The following ZNF184 variants were observed in gnomAD, a reference collection of about 807,000 sequenced individuals.
ZNF184 encodes the protein zinc finger protein 184, also known as zinc finger protein 184 (Kruppel-like).
In ZNF184, 16 loss-of-function variants were observed where a neutral mutation model predicts 54.4. That is an observed-to-expected ratio of 0.29 (90% confidence interval 0.20 to 0.45). The LOEUF (loss-of-function observed/expected upper bound fraction) is 0.45, where lower values mean the gene tolerates loss of function less well. Ranked by LOEUF, ZNF184 falls within the 20% of genes least tolerant of loss-of-function variation. The pLI is 1.00. For missense variants in ZNF184, 681 were observed against 888.2 expected, an observed-to-expected ratio of 0.77 and a Z score of 2.97; for synonymous variants, 254 against 295.3, an observed-to-expected ratio of 0.86 and a Z score of 1.43.
At chr6:27,436,099 T>A in the ZNF184 span, among the ~76,000 whole-genome samples, 5 of 152,136 alleles carry the variant, frequency 3.3e-5, no homozygotes, top group African/African-American at 1.2e-4. Flanking sequence ...TAGCTGTGTG[T>A]TTTTTATGTA....
the ZNF184 span, among the ~76,000 whole-genome samples, chr6:27,430,597 C>A: frequency 1.0e-3 from 158 of 152,274 alleles, no homozygotes; most frequent in African/African-American, 3.6e-3. Context: ...CCAAGGAATC[C>A]TGGCAACTAC....
At chr6:27,416,889 G>A in the ZNF184 span, among the ~76,000 whole-genome samples, 1 of 152,116 alleles carries the variant, frequency 6.6e-6, no homozygotes, top group Non-Finnish European at 1.5e-5. Context: ...TAATATTGAG[G>A]TTTAGAGAGA....
the ZNF184 span, among the ~76,000 whole-genome samples, chr6:27,435,432 C>T: frequency 6.6e-6 from 1 of 151,958 alleles, no homozygotes; most frequent in African/African-American, 2.4e-5. Context: ...CTTAATTTCC[C>T]TTCTGGATTG....
the ZNF184 span, among the ~76,000 whole-genome samples, chr6:27,414,387 T>C: frequency 6.6e-6 from 1 of 152,222 alleles, no homozygotes; most frequent in African/African-American, 2.4e-5. Flanking sequence ...CTCTCACTCA[T>C]AGTAAAAGCC....
chr6:27,451,644 C>A lies in ZNF184; in HGVS notation c.1915G>T (p.Glu639Ter), dbSNP rs747003924. The A allele has an allele frequency of 6.2e-7, 1 of 1,614,080 alleles. No individual in the cohort carries two copies. The highest frequency in any genetic ancestry group is 8.5e-7 in the Non-Finnish European group (1 of 1,179,978). Residue 639 changes from glutamate to a stop codon, truncating the protein, a stop_gained, in exon 6 of 6, where the codon GAA (glutamate) becomes TAA (stop). Transcript: ENST00000683788. LOFTEE classifies it low-confidence loss of function (END_TRUNC). ...CATTTATTACACTGGTAGGGTTTTTCTTCTGTGTGAGTTTTTTGATGTTGA... is the reference window on the plus strand; with the variant it reads ...CATTTATTACACTGGTAGGGTTTTTATTCTGTGTGAGTTTTTTGATGTTGA... ...LAQHQKTHTE[E>*]KPYQCNKCEK...
chr6:27,443,055 C>A, the ZNF184 span, among the ~76,000 whole-genome samples: 1 of 152,192 alleles, frequency 6.6e-6, no homozygotes, highest in Non-Finnish European at 1.5e-5. Context: ...ATCAAAGCCA[C>A]TTTCTCATTT....
At chr6:27,423,112 G>T in the ZNF184 span, among the ~76,000 whole-genome samples, 1 of 152,186 alleles carries the variant, frequency 6.6e-6, no homozygotes, top group African/African-American at 2.4e-5. Flanking sequence ...TCGCGTACGC[G>T]GCCTCAGTCT....
the ZNF184 span, among the ~76,000 whole-genome samples, chr6:27,411,882 T>A: frequency 6.6e-6 from 1 of 152,232 alleles, no homozygotes; most frequent in Non-Finnish European, 1.5e-5. Flanking sequence ...CCTCCTCACT[T>A]GCCCAGGGCC....
intron 3 of ZNF184, among the ~76,000 whole-genome samples, chr6:27,463,072 A>G (rs992214984): frequency 2.3e-4 from 4 of 17,702 alleles, no homozygotes; most frequent in Middle Eastern, 0.062. Context: ...AAAAAAAAAA[A>G]AGAGAGAACA....
At chr6:27,449,934 G>C (rs1032289084), downstream of ZNF184, among the ~76,000 whole-genome samples, 1 of 152,064 alleles carries the variant, frequency 6.6e-6, no homozygotes, top group Non-Finnish European at 1.5e-5. Flanking sequence ...TTAAAATAGA[G>C]GTAAGGAGAA....
At chr6:27,412,424 G>A in the ZNF184 span, among the ~76,000 whole-genome samples, 1 of 152,144 alleles carries the variant, frequency 6.6e-6, no homozygotes, top group East Asian at 1.9e-4. Context: ...TTTTACTAAT[G>A]CTATTCCAGT....
At chr6:27,444,239 C>A in the ZNF184 span, among the ~76,000 whole-genome samples, 2 of 152,120 alleles carry the variant, frequency 1.3e-5, no homozygotes, top group Non-Finnish European at 2.9e-5. Flanking sequence ...CTTCCACATC[C>A]ATCCTCCACC....
chr6:27,417,785 C>T, the ZNF184 span, among the ~76,000 whole-genome samples: 5,000 of 152,200 alleles, frequency 0.033, 194 homozygotes, highest in African/African-American at 0.094. Flanking sequence ...AATAGAAAAC[C>T]TGAACACTAA....
At chr6:27,406,750 C>T in the ZNF184 span, 3 of 152,284 alleles carry the variant, frequency 2.0e-5, no homozygotes, top group Admixed American at 2.0e-4. Flanking sequence ...AGTAGGGGGT[C>T]TCTGGCCCAC....
At chr6:27,435,755 T>C in the ZNF184 span, among the ~76,000 whole-genome samples, 1 of 152,220 alleles carries the variant, frequency 6.6e-6, no homozygotes, top group African/African-American at 2.4e-5. Flanking sequence ...TAAAACTCCC[T>C]GAGAGAAATC....
At chr6:27,417,337 C>G in the ZNF184 span, among the ~76,000 whole-genome samples, 1 of 152,026 alleles carries the variant, frequency 6.6e-6, no homozygotes, top group Non-Finnish European at 1.5e-5. Flanking sequence ...CTATTTCAGC[C>G]TAATTTTTCA....
chr6:27,422,164 GAAAGAAAGA>G, the ZNF184 span, among the ~76,000 whole-genome samples: 4 of 39,426 alleles, frequency 1.0e-4, no homozygotes, highest in African/African-American at 3.4e-4. Flanking sequence ...AAGAAAGAAA[GAAAGAAAGA>G]AAGAAAGAAA....
the ZNF184 span, among the ~76,000 whole-genome samples, chr6:27,441,054 C>T: frequency 6.6e-6 from 1 of 151,986 alleles, no homozygotes; most frequent in Non-Finnish European, 1.5e-5. Context: ...AAGGTGCAAA[C>T]TATCATGAAA....
rs1762881000 is a variant in ZNF184, at chr6:27,457,295, G to C, written c.190C>G (p.Leu64Val). Residue 64 changes from leucine (L) to valine (V), a missense_variant, in exon 4 of 6, where the codon CTG (leucine) becomes GTG (valine). Physicochemically the swap from Leu to Val is conservative, Grantham distance 32. Coordinates refer to ENST00000683788, the MANE Select transcript of ZNF184 (RefSeq NM_001318891.2). ...AAATTATCCTTACCTATAGAGACCA[G>C]GTGTGTATAATTTTCCAATGTCACA... Reference protein sequence around the residue: ...RDVTLENYTHLVSIGLQVSKP... With the variant: ...RDVTLENYTHVVSIGLQVSKP... The C allele has an allele frequency of 6.2e-7, 1 of 1,613,850 alleles. No homozygotes were observed. The highest frequency in any genetic ancestry group is 1.7e-5 in the Admixed American group (1 of 59,992).
Sources: gnomAD v4.1 joint callset for allele counts (sites outside exome capture counted in the v4.1 genomes callset) on GRCh38, gnomAD v4.1.1 for gene constraint, MANE v1.5 for transcripts, NCBI Gene and HGNC (gene_info 2026-07-23, HGNC 2026-07-21) for gene names.